VWC2: variants seen among roughly 807,000 people sequenced by gnomAD.
VWC2 encodes von Willebrand factor C domain containing 2, also known as brorin.
VWC2 carries 14 observed loss-of-function variants against 29.8 expected under a neutral mutation model. The ratio of observed to expected loss-of-function variants is 0.47; its 90% confidence interval spans 0.31 to 0.74. The LOEUF is 0.74. Ranked by LOEUF, VWC2 falls within the 30% of genes least tolerant of loss-of-function variation. The pLI is 0.05. For missense variants in VWC2, 457 were observed against 459.8 expected (o/e 0.99, Z 0.05); for synonymous variants, 213 against 199.0 (o/e 1.07, Z -0.59).
intron 3 of VWC2, among the ~76,000 whole-genome samples, chr7:49,830,546 T>C (rs905035290): frequency 1.3e-5 from 2 of 152,216 alleles, no homozygotes; most frequent in Non-Finnish European, 2.9e-5. Context: ...TACTTTAAGT[T>C]CTAGGGTACA....
intron 3 of VWC2, among the ~76,000 whole-genome samples, chr7:49,827,429 T>TGG (rs1554332709): frequency 7.1e-6 from 1 of 141,578 alleles, no homozygotes; most frequent in Non-Finnish European, 1.5e-5. Context: ...TTTTGGTATT[T>TGG]TATACCAAAT....
chr7:49,908,108 A>G (rs1423193837), intron 3 of VWC2, among the ~76,000 whole-genome samples: 1 of 152,244 alleles, frequency 6.6e-6, no homozygotes, highest in Admixed American at 6.5e-5. Flanking sequence ...TTCAGGGACC[A>G]CTGTCTGTCA....
chr7:49,882,925 G>C (rs1010687749), intron 3 of VWC2, among the ~76,000 whole-genome samples: 1 of 151,772 alleles, frequency 6.6e-6, no homozygotes, highest in East Asian at 1.9e-4. Flanking sequence ...CTCTTCTGGA[G>C]AATAAATCCA....
intron 3 of VWC2, among the ~76,000 whole-genome samples, chr7:49,887,792 A>G (rs1267190937): frequency 1.3e-5 from 2 of 152,196 alleles, no homozygotes; most frequent in Non-Finnish European, 1.5e-5. Flanking sequence ...TCTGGAATGC[A>G]CTTTCTAGAT....
At chr7:49,794,140 C>T (rs1325796250) in intron 2 of VWC2, among the ~76,000 whole-genome samples, 1 of 152,160 alleles carries the variant, frequency 6.6e-6, no homozygotes, top group African/African-American at 2.4e-5. Flanking sequence ...CCCATTCTAA[C>T]CTCCTGTATA....
intron 2 of VWC2, among the ~76,000 whole-genome samples, chr7:49,795,335 G>A (rs1248062863): frequency 6.6e-6 from 1 of 152,218 alleles, no homozygotes; most frequent in Non-Finnish European, 1.5e-5. Flanking sequence ...AGGGAGTAGA[G>A]CAGAGAGTTA....
At chr7:49,899,475 G>A (rs1016236778) in intron 3 of VWC2, among the ~76,000 whole-genome samples, 1 of 151,948 alleles carries the variant, frequency 6.6e-6, no homozygotes. Context: ...GTAAATGGAT[G>A]GATAAAGTTA....
chr7:49,849,804 G>A (rs1562730186), intron 3 of VWC2, among the ~76,000 whole-genome samples: 1 of 151,916 alleles, frequency 6.6e-6, no homozygotes, highest in Non-Finnish European at 1.5e-5. Flanking sequence ...CTCTAACCAA[G>A]TCTTGGGGTA....
At position 49,920,286 on chromosome 7, in the gene VWC2, T is replaced by C. The variant is rs1447925987; in HGVS notation, c.*8101T>C. 1 of 152,228 alleles carries C rather than the reference T, an allele frequency of 6.6e-6. No individual in the cohort carries two copies. The highest frequency in any genetic ancestry group is 1.5e-5 in the Non-Finnish European group (1 of 68,040). 9.4% of individuals were successfully genotyped at this position (152,228 alleles called of 1,614,324 possible). A position where few individuals can be genotyped will look rare whatever the true frequency, so the allele number is the denominator to read the frequency against. On this transcript the variant is annotated 3_prime_UTR_variant, in exon 4 of 4. Coordinates refer to ENST00000340652, the MANE Select transcript of VWC2 (RefSeq NM_198570.5). Reference sequence around the variant, plus strand: ...GAAAAAATGAAAATAATAAAAGTGGTATTTGGATGAGATAATTTTCCTTTA... The same window carrying C: ...GAAAAAATGAAAATAATAAAAGTGGCATTTGGATGAGATAATTTTCCTTTA...
Position 49,775,738 on chromosome 7 carries a change from C to T in VWC2, c.303C>T (p.Gly101=), listed in dbSNP as rs200808885. The change falls in exon 2 of 4, where the codon GGC becomes GGT. Residue 101 remains glycine, a synonymous_variant. Transcript: ENST00000340652. The stretch of plus-strand genomic sequence containing the variant: ...TGAAGCAGGCCTGGGTCTCCCAGGG[C>T]GGGGGCGCCAAGGCCGGGGATCTGC... The part of the protein sequence containing the change: ...SKLKQAWVSQ[G]GGAKAGDLQV... 3 of 1,512,038 alleles carry T rather than the reference C, an allele frequency of 2.0e-6. No homozygotes were observed. Among genetic ancestry groups the T allele is most frequent in the Admixed American group, 4.3e-5 (2 of 46,694 alleles). 93.7% of individuals were successfully genotyped at this position (1,512,038 alleles called of 1,614,324 possible).
intron 3 of VWC2, among the ~76,000 whole-genome samples, chr7:49,884,643 C>T (rs536717898): frequency 6.6e-6 from 1 of 152,276 alleles, no homozygotes; most frequent in South Asian, 2.1e-4. Context: ...TTATATAGGA[C>T]AGTTGAGCTG....
chr7:49,797,540 G>A (rs925952434), intron 2 of VWC2, among the ~76,000 whole-genome samples: 11 of 152,346 alleles, frequency 7.2e-5, no homozygotes, highest in African/African-American at 2.6e-4. Context: ...ATGTGGATGA[G>A]TGAGAATGAT....
chr7:49,852,601 G>A (rs948409463), intron 3 of VWC2, among the ~76,000 whole-genome samples: 1 of 152,076 alleles, frequency 6.6e-6, no homozygotes, highest in East Asian at 1.9e-4. Context: ...TTTTTGAGAA[G>A]TGATGTTTGT....
rs908730915 is a variant in VWC2 at position 49,919,306 on chromosome 7, C to G, written c.*7121C>G. The G allele has an allele frequency of 6.6e-6, 1 of 152,114 alleles. No homozygotes were observed. The highest frequency in any genetic ancestry group is 2.4e-5 in the African/African-American group (1 of 41,420). 9.4% of individuals were successfully genotyped at this position (152,114 alleles called of 1,614,324 possible). On this transcript the variant is annotated 3_prime_UTR_variant, in exon 4 of 4. Transcript: ENST00000340652. The stretch of plus-strand genomic sequence containing the variant: ...TGAAGCTCTGAGTCAAGGATACCAG[C>G]AGATATCCTTAAACTAATAAAAAAA...
chr7:49,797,324 G>A (rs1031713324), intron 2 of VWC2, among the ~76,000 whole-genome samples: 3 of 152,156 alleles, frequency 2.0e-5, no homozygotes, highest in African/African-American at 7.2e-5. Flanking sequence ...TTGTTCTGGG[G>A]TTTTCATGCC....
chr7:49,815,179 C>T (rs535813653), intron 3 of VWC2, among the ~76,000 whole-genome samples: 1 of 152,202 alleles, frequency 6.6e-6, no homozygotes, highest in African/African-American at 2.4e-5. Context: ...AGCAATGGTG[C>T]CTGCCTTTAA....
chr7:49,816,317 G>C (rs749907813), intron 3 of VWC2, among the ~76,000 whole-genome samples: 2 of 152,148 alleles, frequency 1.3e-5, no homozygotes, highest in Non-Finnish European at 2.9e-5. Flanking sequence ...TCTGGTTAAG[G>C]GTGTCTGAAA....
chr7:49,872,519 C>A (rs537039904), intron 3 of VWC2, among the ~76,000 whole-genome samples: 1 of 150,644 alleles, frequency 6.6e-6, no homozygotes, highest in Non-Finnish European at 1.5e-5. Context: ...CTATGGCTTA[C>A]GGGGAATGAA....
At chr7:49,810,894 T>C (rs969920426) in intron 3 of VWC2, among the ~76,000 whole-genome samples, 1 of 152,154 alleles carries the variant, frequency 6.6e-6, no homozygotes, top group Non-Finnish European at 1.5e-5. Flanking sequence ...TAAATGTGAG[T>C]GTTTAAACTA....
Sources: gnomAD v4.1 joint callset for allele counts (sites outside exome capture counted in the v4.1 genomes callset) on GRCh38, gnomAD v4.1.1 for gene constraint, MANE v1.5 for transcripts, NCBI Gene and HGNC (gene_info 2026-07-23, HGNC 2026-07-21) for gene names.